INTS6: variants seen among roughly 807,000 people sequenced by gnomAD.
The protein encoded by INTS6 is integrator complex subunit 6, also known as DEAD box protein.
A neutral mutation model predicts 104.9 loss-of-function variants in INTS6; 16 were observed. That is an observed-to-expected ratio of 0.15 (90% confidence interval 0.10 to 0.23). INTS6 has a LOEUF of 0.23. INTS6 is among the 10% of genes least tolerant of loss of function. INTS6 has a pLI of 1.00. For missense variants in INTS6, 584 were observed against 1,062.8 expected, an observed-to-expected ratio of 0.55 and a Z score of 6.26; for synonymous variants, 324 against 358.7, an observed-to-expected ratio of 0.90 and a Z score of 1.09.
intron 4 of INTS6, chr13:51,422,990 G>T (rs1271428071): frequency 7.5e-6 from 8 of 1,067,658 alleles, no homozygotes; most frequent in South Asian, 1.4e-5. Flanking sequence ...TTTCTGCCAT[G>T]AGATTTATCT....
intron 15 of INTS6, among the ~76,000 whole-genome samples, chr13:51,373,539 A>G (rs1004008002): frequency 5.9e-5 from 9 of 152,202 alleles, no homozygotes; most frequent in African/African-American, 2.2e-4. Flanking sequence ...TTCAGTTCTC[A>G]CCTTACCTCA....
At chr13:51,451,779 G>A (rs1953057546) in intron 2 of INTS6, among the ~76,000 whole-genome samples, 199 bp downstream of exon 2, 1 of 150,360 alleles carries the variant, frequency 6.7e-6, no homozygotes, top group African/African-American at 2.4e-5. Context: ...GACGGCGGTG[G>A]CCCCGCGACT....
chr13:51,386,602 G>T (rs1266208649), intron 7 of INTS6, among the ~76,000 whole-genome samples: 1 of 152,054 alleles, frequency 6.6e-6, no homozygotes, highest in African/African-American at 2.4e-5. Context: ...GCTGATACAG[G>T]TTTGAAGTAC....
rs1955664091 is a variant in INTS6, at chr13:51,365,325, GTA to G, written c.*425_*426del. 1 of 153,524 alleles carries G rather than the reference GTA, an allele frequency of 6.5e-6. No homozygotes were observed. Among genetic ancestry groups the G allele is most frequent in the African/African-American group, 2.4e-5 (1 of 41,278 alleles). 9.5% of individuals were successfully genotyped at this position (153,524 alleles called of 1,614,324 possible). On this transcript the variant is annotated 3_prime_UTR_variant, in exon 18 of 18. Transcript: ENST00000311234. Reference sequence around the variant, plus strand: ...TTACAATAATATATCCAAAATAACTGTATATACAAAACATTACCTAGTTTTAA... The same window carrying G: ...TTACAATAATATATCCAAAATAACTGTATACAAAACATTACCTAGTTTTAA...
chr13:51,385,179 TAAC>T (rs1956120757), intron 7 of INTS6: 1 of 153,724 alleles, frequency 6.5e-6, no homozygotes, highest in African/African-American at 2.4e-5. Context: ...AGTTGGCATG[TAAC>T]AACCTCTAAA....
At chr13:51,374,879 A>C (rs1955886956) in intron 13 of INTS6, 83 bp from the exon 14 acceptor site, 1 of 1,392,034 alleles carries the variant, frequency 7.2e-7, no homozygotes, top group Non-Finnish European at 9.9e-7. Context: ...AATGCTACCT[A>C]GTGTTATTCT....
At chr13:51,338,506 GATGGACAGATGA>G in the INTS6 span, among the ~76,000 whole-genome samples, 6 of 152,052 alleles carry the variant, frequency 3.9e-5, no homozygotes, top group East Asian at 9.6e-4. Flanking sequence ...CAGACGGATG[GATGGACAGATGA>G]ATGGACAGAT....
intron 3 of INTS6, chr13:51,445,029 T>G (rs1952880703): frequency 6.6e-6 from 1 of 152,188 alleles, no homozygotes; most frequent in African/African-American, 2.4e-5. Flanking sequence ...CTTATTAAAC[T>G]ATCCCTTGAT....
At chr13:51,402,057 C>CT (rs1367190043) in intron 4 of INTS6, among the ~76,000 whole-genome samples, 1 of 152,016 alleles carries the variant, frequency 6.6e-6, no homozygotes, top group Admixed American at 6.6e-5. Context: ...ATGCACGGTC[C>CT]TATGCTTTTC....
intron 11 of INTS6, among the ~76,000 whole-genome samples, chr13:51,378,971 G>A (rs549583997): frequency 5.5e-4 from 83 of 152,032 alleles, no homozygotes; most frequent in Non-Finnish European, 1.0e-3. Context: ...GTATTTCATA[G>A]GACATTAATA....
intron 4 of INTS6, among the ~76,000 whole-genome samples, chr13:51,415,756 T>TA (rs2138050382): frequency 6.6e-6 from 1 of 152,300 alleles, no homozygotes; most frequent in Non-Finnish European, 1.5e-5. Flanking sequence ...ACAAACTATT[T>TA]GAGAGTAAGT....
chr13:51,335,659 T>C, the INTS6 span: 1 of 152,218 alleles, frequency 6.6e-6, no homozygotes, highest in Non-Finnish European at 1.5e-5. Flanking sequence ...GTCCAAGGGC[T>C]GTTTGCGCTG....
intron 3 of INTS6, chr13:51,449,041 G>A (rs1952981455): frequency 6.6e-6 from 1 of 152,120 alleles, no homozygotes; most frequent in Admixed American, 6.5e-5. Context: ...GTTTAAATCA[G>A]ATAGTTTTAT....
downstream of INTS6, among the ~76,000 whole-genome samples, chr13:51,349,683 C>T (rs1439403888): frequency 1.3e-5 from 2 of 152,170 alleles, no homozygotes; most frequent in African/African-American, 2.4e-5. Context: ...AACTCTCCAC[C>T]GTCCTGATTC....
In INTS6 at chr13:51,452,798, C is replaced by G; in HGVS notation, c.-273G>C. The stretch of plus-strand genomic sequence containing the variant: ...GGCGGGCGCCCAGCCGTCTGTCTGT[C>G]GGTTCGTCCCCCCCGCCTCGGGGGT... On this transcript the variant is annotated 5_prime_UTR_variant, in exon 1 of 18. Transcript: ENST00000311234. This position sits in a 1 kb window ranked among gnomAD's most constrained non-coding sequence, Gnocchi z 4.2. 3 of 1,191,488 alleles carry G rather than the reference C, an allele frequency of 2.5e-6. No homozygotes were observed. The highest frequency in any genetic ancestry group is 3.1e-6 in the Non-Finnish European group (3 of 954,822). The allele number at this position is 1,191,488 out of a possible 1,614,324, so 73.8% of individuals were successfully genotyped here.
At chr13:51,425,640 GCAATATT>G (rs1956971132) in intron 4 of INTS6, among the ~76,000 whole-genome samples, 1 of 152,076 alleles carries the variant, frequency 6.6e-6, no homozygotes, top group Non-Finnish European at 1.5e-5. Context: ...CCTCTATTGA[GCAATATT>G]CATTAGCCAT....
At chr13:51,342,259 A>G in the INTS6 span, among the ~76,000 whole-genome samples, 1 of 151,066 alleles carries the variant, frequency 6.6e-6, no homozygotes, top group Non-Finnish European at 1.5e-5. Context: ...TGTCCTAGGC[A>G]GGGTCATCCC....
chr13:51,422,463 T>G (rs1404608362), intron 4 of INTS6, among the ~76,000 whole-genome samples: 1 of 152,132 alleles, frequency 6.6e-6, no homozygotes, highest in Non-Finnish European at 1.5e-5. Flanking sequence ...GTCAAATACT[T>G]TGCCTTTTTT....
At chr13:51,371,555 C>T (rs1358419476) in intron 15 of INTS6, among the ~76,000 whole-genome samples, 1 of 151,414 alleles carries the variant, frequency 6.6e-6, no homozygotes, top group Non-Finnish European at 1.5e-5. Flanking sequence ...CATCTCTTGA[C>T]TCACTATCTG....
Sources: gnomAD v4.1 joint callset for allele counts (sites outside exome capture counted in the v4.1 genomes callset) on GRCh38, gnomAD v4.1.1 for gene constraint, Gnocchi (gnomAD v3.1) non-coding constraint, MANE v1.5 for transcripts, NCBI Gene and HGNC (gene_info 2026-07-23, HGNC 2026-07-21) for gene names.